Variants in CAST observed in about 807,000 individuals in gnomAD.
CAST encodes the protein calpastatin.
CAST carries 76 observed loss-of-function variants against 119.6 expected under a neutral mutation model. That is an observed-to-expected ratio of 0.64 (90% CI 0.53 to 0.77). The LOEUF (loss-of-function observed/expected upper bound fraction) is 0.77. Among genes scored for constraint, CAST ranks in the 30% least tolerant of loss-of-function variants. CAST has a pLI of 0.00. For synonymous variants in CAST, 319 were observed against 331.6 expected, an observed-to-expected ratio of 0.96 and a Z score of 0.41; for missense variants, 953 against 946.5, an observed-to-expected ratio of 1.01 and a Z score of -0.09.
chr5:96,049,452 G>T, the CAST span, among the ~76,000 whole-genome samples: 1 of 152,124 alleles, frequency 6.6e-6, no homozygotes, highest in Non-Finnish European at 1.5e-5. Flanking sequence ...TAAGGCAAAT[G>T]CAATGGGAAT....
chr5:96,139,088 G>A, the CAST span, among the ~76,000 whole-genome samples: 1 of 151,800 alleles, frequency 6.6e-6, no homozygotes, highest in African/African-American at 2.4e-5. Flanking sequence ...TAATTTTCAG[G>A]AAGTTCTCCT....
At chr5:95,989,210 A>G in the CAST span, among the ~76,000 whole-genome samples, 1 of 152,232 alleles carries the variant, frequency 6.6e-6, no homozygotes, top group Non-Finnish European at 1.5e-5. Flanking sequence ...GAAAAGAGAC[A>G]ACCTCTTAAA....
the CAST span, among the ~76,000 whole-genome samples, chr5:96,200,549 T>G: frequency 6.6e-6 from 1 of 152,154 alleles, no homozygotes; most frequent in Admixed American, 6.6e-5. Context: ...AATAAACAGA[T>G]AATGAGTGTA....
the CAST span, chr5:96,433,244 T>G: frequency 1.6e-6 from 1 of 614,294 alleles, no homozygotes; most frequent in Non-Finnish European, 2.9e-6. Flanking sequence ...GTCTCCAGGC[T>G]GAGTGGAGCC....
At position 96,672,370 on chromosome 5, in the gene CAST, A is replaced by C. The variant is rs375550188; in HGVS notation, c.76-3169A>C. Among the ~76,000 whole-genome samples the C allele has an allele frequency of 1.6e-4, 25 of 152,202 alleles. 1 individual carries two copies. The highest frequency in any genetic ancestry group is 6.0e-4 in the African/African-American group (25 of 41,516). ...GGGCATTCATTGTATTATTCTTTCA[A>C]CTTTTCTGTCCGTTGGAAATTTTTC... On this transcript the variant is annotated intron_variant, in intron 1 of 31. Coordinates refer to ENST00000675179, the MANE Select transcript of CAST (RefSeq NM_001750.7).
intron 1 of CAST, among the ~76,000 whole-genome samples, chr5:96,543,317 G>C (rs1166532295): frequency 6.6e-6 from 1 of 152,150 alleles, no homozygotes; most frequent in Non-Finnish European, 1.5e-5. Flanking sequence ...TCACTCATAA[G>C]TGGGAGTTGA....
At chr5:96,201,848 C>T in the CAST span, among the ~76,000 whole-genome samples, 1 of 152,034 alleles carries the variant, frequency 6.6e-6, no homozygotes, top group Non-Finnish European at 1.5e-5. Flanking sequence ...CCCAGGGCCC[C>T]ATCTCCTACG....
At chr5:96,206,588 A>G in the CAST span, among the ~76,000 whole-genome samples, 1 of 152,052 alleles carries the variant, frequency 6.6e-6, no homozygotes. Context: ...AATTTCTGTC[A>G]GTTGTGTCAA....
chr5:96,763,444 A>T (rs1768732329), intron 25 of CAST, among the ~76,000 whole-genome samples: 1 of 152,202 alleles, frequency 6.6e-6, no homozygotes. Flanking sequence ...TTAATAGCCT[A>T]GGCTGCCGTT....
intron 2 of CAST, among the ~76,000 whole-genome samples, chr5:96,683,805 A>G (rs757425781): frequency 6.6e-6 from 1 of 152,216 alleles, no homozygotes; most frequent in Non-Finnish European, 1.5e-5. Flanking sequence ...CAAAGCTACA[A>G]TTAAAACTCC....
the CAST span, among the ~76,000 whole-genome samples, chr5:96,017,312 T>C: frequency 4.6e-5 from 7 of 152,194 alleles, no homozygotes; most frequent in East Asian, 7.7e-4. Flanking sequence ...ATCCTAGGGG[T>C]TGATTAAGGG....
intron 1 of CAST, among the ~76,000 whole-genome samples, chr5:96,674,481 G>C (rs1040366393): frequency 4.6e-5 from 7 of 151,742 alleles, no homozygotes; most frequent in Non-Finnish European, 8.8e-5. Flanking sequence ...TTCATATTTG[G>C]CTCCCTTTTC....
intron 1 of CAST, among the ~76,000 whole-genome samples, chr5:96,605,241 T>C (rs895706373): frequency 6.6e-6 from 1 of 152,176 alleles, no homozygotes; most frequent in African/African-American, 2.4e-5. Flanking sequence ...CCCTTCCCCC[T>C]CCCCATCACT....
chr5:96,740,059 A>G lies in CAST; in HGVS notation c.820A>G (p.Ile274Val), dbSNP rs141181527. 1.3e-5 allele frequency: 20 copies of G among 1,577,416 alleles called. No individual in the cohort carries two copies. In the South Asian group the frequency reaches 1.4e-4, roughly 11 times the overall value. ...EVSDPMSSTY[I>V]EELGKREVTI... ...CCAGGATCCAATGAGTTCCACCTACATAGAGGAATTGGGTAAAAGAGAAGT... is the reference window on the plus strand; with the variant it reads ...CCAGGATCCAATGAGTTCCACCTACGTAGAGGAATTGGGTAAAAGAGAAGT... The change falls in exon 12 of 32, where the codon ATA becomes GTA. Residue 274 changes from isoleucine (I) to valine (V), a missense_variant. Physicochemically the swap from Ile to Val is conservative, Grantham distance 29. Transcript: ENST00000675179.
chr5:96,252,088 A>G, the CAST span, among the ~76,000 whole-genome samples: 1 of 152,044 alleles, frequency 6.6e-6, no homozygotes, highest in East Asian at 1.9e-4. Flanking sequence ...CTCTTATTTA[A>G]CTCTGGCAGA....
the CAST span, among the ~76,000 whole-genome samples, chr5:95,991,624 GCCTCCT>G: frequency 6.8e-6 from 1 of 146,670 alleles, no homozygotes; most frequent in African/African-American, 2.5e-5. Flanking sequence ...TCCTACCTCA[GCCTCCT>G]GAGTAGCTGG....
intron 2 of CAST, among the ~76,000 whole-genome samples, chr5:96,685,085 C>T (rs1442046842): frequency 1.3e-5 from 2 of 151,092 alleles, no homozygotes; most frequent in African/African-American, 4.9e-5. Context: ...TTATATCATA[C>T]AATAATAATA....
Position 96,591,997 on chromosome 5 carries a change from A to G in CAST, c.60+62117A>G, listed in dbSNP as rs545619448. Among the ~76,000 whole-genome samples, 4 of 152,340 alleles carry G rather than the reference A, an allele frequency of 2.6e-5. No homozygotes were observed. The East Asian group carries it at 7.7e-4, about 29-fold the overall frequency. ...AGAGGATCAGCAAGCCCAAATATCA[A>G]GAGAATAATAGAATATAGACCAAAT... On this transcript the variant is annotated intron_variant, in intron 1 of 11. Transcript: ENST00000505143.
intron 1 of CAST, among the ~76,000 whole-genome samples, chr5:96,560,466 G>A (rs1016593155): frequency 3.2e-4 from 49 of 152,032 alleles, no homozygotes; most frequent in Non-Finnish European, 6.5e-4. Flanking sequence ...ATCTGACAAA[G>A]GGCTAATATC....
Sources: gnomAD v4.1 joint callset for allele counts (sites outside exome capture counted in the v4.1 genomes callset) on GRCh38, gnomAD v4.1.1 for gene constraint, MANE v1.5 for transcripts, NCBI Gene and HGNC (gene_info 2026-07-23, HGNC 2026-07-21) for gene names.